Variants in LRP2 observed in about 807,000 individuals in gnomAD.
LRP2 encodes the protein low-density lipoprotein receptor-related protein 2.
A neutral mutation model predicts 531.0 loss-of-function variants in LRP2; 172 were observed. The ratio of observed to expected loss-of-function variants is 0.32; its 90% CI spans 0.29 to 0.37. The LOEUF (loss-of-function observed/expected upper bound fraction) is 0.37, where lower values mean the gene tolerates loss of function less well. LRP2 is among the 10% of genes least tolerant of loss of function. LRP2 has a pLI of 1.00. For synonymous variants in LRP2, 1,992 were observed against 2,027.6 expected (o/e 0.98, Z 0.47); for missense variants, 5,167 against 5,868.3 (o/e 0.88, Z 3.90).
intron 1 of LRP2, among the ~76,000 whole-genome samples, chr2:169,325,079 GA>G (rs1160633214): frequency 6.9e-6 from 1 of 145,392 alleles, no homozygotes; most frequent in African/African-American, 2.5e-5. Context: ...AAAAAAGAAA[GA>G]AAAAAACATT....
chr2:169,344,536 T>C (rs1444093985), intron 1 of LRP2, among the ~76,000 whole-genome samples: 2 of 152,222 alleles, frequency 1.3e-5, no homozygotes, highest in East Asian at 1.9e-4. Flanking sequence ...AATCAAGCTT[T>C]ACAAATGAAT....
In LRP2 at chr2:169,145,764, A is replaced by G. The variant is rs759223236; in HGVS notation, c.12971T>C (p.Leu4324Pro). The G allele has an allele frequency of 6.2e-7, 1 of 1,614,166 alleles. No individual in the cohort carries two copies. Among genetic ancestry groups the G allele is most frequent in the African/African-American group, 1.3e-5 (1 of 75,050 alleles). Residue 4324 changes from leucine to proline, a missense_variant, in exon 70 of 79, where the codon CTC becomes CCC. By Grantham distance (98) the Leu-to-Pro change is moderately conservative. Transcript: ENST00000649046. ...WLTQVRIFHQLRYNKSVPNLC... is the reference protein window; with the variant it reads ...WLTQVRIFHQPRYNKSVPNLC... ...GTGATTACCTGACTTATTGTATCTG[A>G]GTTGATGAAAGATTCGAACTTGAGT...
Position 169,294,718 on chromosome 2 carries a change from A to C in LRP2, c.428-8T>G, listed in dbSNP as rs761869255. 4.2e-4 allele frequency: 6 copies of C among 14,294 alleles called. No homozygotes were observed. Among genetic ancestry groups the C allele is most frequent in the Non-Finnish European group, 5.2e-4 (6 of 11,446 alleles). 0.9% of individuals were successfully genotyped at this position (14,294 alleles called of 1,614,324 possible). A position where few individuals can be genotyped will look rare whatever the true frequency, so the allele number is the denominator to read the frequency against. On this transcript the variant is annotated splice_polypyrimidine_tract_variant and splice_region_variant and intron_variant, in intron 4 of 78. Coordinates refer to ENST00000649046, the MANE Select transcript of LRP2 (RefSeq NM_004525.3). ...GCTCACATGTTGGGTACTCTATTGT[A>C]AAAAAAAAAAAAAAAAAAAAAAGGA...
chr2:169,158,180 A>G (rs1686414972), intron 63 of LRP2, among the ~76,000 whole-genome samples: 1 of 151,898 alleles, frequency 6.6e-6, no homozygotes, highest in Admixed American at 6.6e-5. Flanking sequence ...TCTTAGAGCC[A>G]TAAATTAGTA....
At chr2:169,199,046 A>G in intron 44 of LRP2, 135 bp from the exon 45 acceptor site, 5 of 811,058 alleles carry the variant, frequency 6.2e-6, no homozygotes, top group Non-Finnish European at 1.0e-5. Context: ...TCAGAAAGGC[A>G]GGATCCATGA....
At chr2:169,215,076 G>T (rs1417707822) in intron 35 of LRP2, among the ~76,000 whole-genome samples, 1 of 152,162 alleles carries the variant, frequency 6.6e-6, no homozygotes, top group Non-Finnish European at 1.5e-5. Flanking sequence ...CATGTAACAA[G>T]AGCTTCCTCG....
chr2:169,204,192 T>A lies in LRP2; in HGVS notation c.7795A>T (p.Thr2599Ser). ...VNAAVHAFGL[T>S]LYGQYIYWTD... ...CAGTAAATATACTGGCCATAGAGAG[T>A]CAAGCCAAAAGCATGAACGGCTGCA... The change falls in exon 42 of 79, where the codon ACT becomes TCT. Residue 2599 changes from threonine to serine, a missense_variant. Thr to Ser is a moderately conservative substitution (Grantham distance 58, BLOSUM62 1). Transcript: ENST00000649046. 2.5e-6 allele frequency: 4 copies of A among 1,613,782 alleles called. No individual in the cohort carries two copies. Among genetic ancestry groups the A allele is most frequent in the Middle Eastern group, 3.3e-4 (2 of 6,062 alleles).
chr2:169,163,036 A>C (rs1686647891), intron 62 of LRP2, among the ~76,000 whole-genome samples: 1 of 152,222 alleles, frequency 6.6e-6, no homozygotes, highest in Non-Finnish European at 1.5e-5. Context: ...GTGATGAGGG[A>C]AGTAGAGTAC....
chr2:169,343,918 G>A (rs990346631), intron 1 of LRP2, among the ~76,000 whole-genome samples: 3 of 152,112 alleles, frequency 2.0e-5, no homozygotes, highest in Admixed American at 6.5e-5. Flanking sequence ...TTTATAAAAT[G>A]TGAGAATAGC....
At chr2:169,282,445 C>A (rs1156440286) in intron 10 of LRP2, among the ~76,000 whole-genome samples, 2 of 152,170 alleles carry the variant, frequency 1.3e-5, no homozygotes, top group Non-Finnish European at 2.9e-5. Context: ...CCAAATTTAG[C>A]ATGTCCATTT....
chr2:169,197,526 GA>G (rs1434596503), intron 45 of LRP2, among the ~76,000 whole-genome samples: 1 of 152,198 alleles, frequency 6.6e-6, no homozygotes, highest in East Asian at 1.9e-4. Flanking sequence ...ACTTTTAGTT[GA>G]GTAAGTGGGA....
chr2:169,360,706 C>A (rs1158923394), intron 1 of LRP2, among the ~76,000 whole-genome samples: 1 of 152,164 alleles, frequency 6.6e-6, no homozygotes, highest in South Asian at 2.1e-4. Flanking sequence ...GCGTTACCAA[C>A]ACTGAGAAAG....
At chr2:169,148,283 A>C (rs1685992293) in intron 68 of LRP2, among the ~76,000 whole-genome samples, 1 of 152,220 alleles carries the variant, frequency 6.6e-6, no homozygotes, top group Non-Finnish European at 1.5e-5. Flanking sequence ...AGAGACAGAG[A>C]GCAGATTAGC....
At chr2:169,284,014 T>C (rs955535066) in intron 9 of LRP2, among the ~76,000 whole-genome samples, 3 of 152,114 alleles carry the variant, frequency 2.0e-5, no homozygotes, top group African/African-American at 7.2e-5. Context: ...GGATGACCTA[T>C]ACAAACTATA....
chr2:169,285,627 G>A (rs1343256534), intron 9 of LRP2, among the ~76,000 whole-genome samples: 2 of 151,984 alleles, frequency 1.3e-5, no homozygotes, highest in Non-Finnish European at 2.9e-5. Flanking sequence ...AGCCCCCCTT[G>A]GCCACCCTCT....
chr2:169,175,674 G>A (rs1313338382), intron 54 of LRP2, among the ~76,000 whole-genome samples: 1 of 152,096 alleles, frequency 6.6e-6, no homozygotes, highest in Non-Finnish European at 1.5e-5. Flanking sequence ...ATAAAGAGTG[G>A]GTGTTTTGAG....
chr2:169,279,425 A>G lies in LRP2; in HGVS notation c.1512T>C (p.Leu504=), dbSNP rs1407360413. The change falls in exon 12 of 79, where the codon CTT becomes CTC. Residue 504 remains leucine (L), a synonymous_variant. Transcript: ENST00000649046. ...VNLDGSYRVT[L]ITENLGHPRG... is the part of the protein sequence containing the mutation. ...TAGGATGCCCCAAGTTTTCAGTTAT[A>G]AGGGTAACCCGATAGCTTCCATCCA... is the stretch of plus-strand genomic sequence containing the variant. The G allele has an allele frequency of 6.2e-7, 1 of 1,614,112 alleles. No individual in the cohort carries two copies.
intron 1 of LRP2, among the ~76,000 whole-genome samples, chr2:169,334,379 G>A (rs186630336): frequency 1.3e-5 from 2 of 152,256 alleles, no homozygotes; most frequent in South Asian, 2.1e-4. Context: ...GGCAATTAAA[G>A]AAAATAAAAT....
rs553797477 is a variant in LRP2, at chr2:169,200,061, T to C, written c.8453-1150A>G. Among the ~76,000 whole-genome samples, 744 of 152,178 alleles carry C rather than the reference T, an allele frequency of 4.9e-3. 3 individuals are homozygous for C. The highest frequency in any genetic ancestry group is 7.1e-3 in the Non-Finnish European group (481 of 67,986). On this transcript the variant is annotated intron_variant, in intron 44 of 78. Transcript: ENST00000649046. ...GTCAGGAGATCGAGACCATCCTGGC[T>C]AACATGGTGAAACCTCGTCTCTACT... is the stretch of plus-strand genomic sequence containing the variant.
Sources: gnomAD v4.1 joint callset for allele counts (sites outside exome capture counted in the v4.1 genomes callset) on GRCh38, gnomAD v4.1.1 for gene constraint, MANE v1.5 for transcripts, NCBI Gene and HGNC (gene_info 2026-07-23, HGNC 2026-07-21) for gene names.